SERPINA9: variants seen among roughly 807,000 people sequenced by gnomAD.
SERPINA9 encodes the protein serpin A9.
In SERPINA9, 32 loss-of-function variants were observed where a neutral mutation model predicts 24.5. That is an observed-to-expected ratio of 1.30 (90% CI 0.98 to 1.75). The LOEUF (loss-of-function observed/expected upper bound fraction) is 1.75. SERPINA9 is among the 40% of genes most tolerant of loss of function. SERPINA9 has a pLI of 0.00. For synonymous variants in SERPINA9, 233 were observed against 197.7 expected, an observed-to-expected ratio of 1.18 and a Z score of -1.50; for missense variants, 594 against 497.1, an observed-to-expected ratio of 1.19 and a Z score of -1.85.
chr14:94,469,886 G>C, intron 1 of SERPINA9, 29 bp from the exon 2 acceptor site: 2 of 1,487,252 alleles, frequency 1.3e-6, no homozygotes, highest in Non-Finnish European at 1.8e-6. Context: ...CCATTGAGGG[G>C]GTAAACTGAG....
chr14:94,475,874 T>G (rs2139831209), intron 1 of SERPINA9: 1 of 518,964 alleles, frequency 1.9e-6, no homozygotes. Flanking sequence ...CTCCTCCCCT[T>G]GTGGCCCAAA....
At chr14:94,474,944 T>G (rs746140645) in intron 1 of SERPINA9, among the ~76,000 whole-genome samples, 4 of 151,864 alleles carry the variant, frequency 2.6e-5, no homozygotes, top group Non-Finnish European at 4.4e-5. Context: ...TCAGAAAAAA[T>G]GCTCAAGCCC....
chr14:94,475,672 T>A (rs1899580891), intron 1 of SERPINA9, among the ~76,000 whole-genome samples: 1 of 152,200 alleles, frequency 6.6e-6, no homozygotes, highest in Non-Finnish European at 1.5e-5. Context: ...AGAAAGTATC[T>A]CTTCTCTCCA....
rs1334733009 is a variant in SERPINA9, at chr14:94,463,034, G to T, written c.*59C>A. On this transcript the variant is annotated 3_prime_UTR_variant, in exon 5 of 5. Coordinates refer to ENST00000674397, the MANE Select transcript of SERPINA9 (RefSeq NM_175739.4). ...GCACCCTCAGAACAGAAAGAGGGAT[G>T]TGGTTTGTTATTTCTTGTGCATTAG... 7.2e-7 allele frequency: 1 copy of T among 1,396,062 alleles called. No individual in the cohort carries two copies. Among genetic ancestry groups the T allele is most frequent in the East Asian group, 2.3e-5 (1 of 43,884 alleles). 86.5% of individuals were successfully genotyped at this position (1,396,062 alleles called of 1,614,324 possible). A position where few individuals can be genotyped will look rare whatever the true frequency, so the allele number is the denominator to read the frequency against.
chr14:94,464,621 T>C lies in SERPINA9; in HGVS notation c.1050+86A>G. ...TGACTTCACCTTTCAGGCCTCTGTT[T>C]CCTTATCAACGAAATAAGAGCATGT... On this transcript the variant is annotated intron_variant, in intron 4 of 4. Transcript: ENST00000674397. The C allele has an allele frequency of 3.3e-6, 4 of 1,212,076 alleles. No homozygotes were observed. In the South Asian group the frequency reaches 4.4e-5, roughly 13 times the overall value. 75.1% of individuals were successfully genotyped at this position (1,212,076 alleles called of 1,614,324 possible).
rs78309339 is a variant in SERPINA9, at chr14:94,469,247, C to T, written c.594G>A (p.Thr198=). The change falls in exon 2 of 5, where the codon ACG becomes ACA. Residue 198 remains threonine (T), a synonymous_variant. Coordinates refer to ENST00000674397, the MANE Select transcript of SERPINA9 (RefSeq NM_175739.4). ...VDIIQGLDLL[T]AMVLVNHIFF... is the part of the protein sequence containing the mutation. ...AAATGTGGTTCACCAGAACCATGGCCGTCAGAAGGTCAAGGCCTTGGATTA... is the reference window on the plus strand; with the variant it reads ...AAATGTGGTTCACCAGAACCATGGCTGTCAGAAGGTCAAGGCCTTGGATTA... 1.3e-3 allele frequency: 2,051 copies of T among 1,613,912 alleles called. 23 individuals carry two copies. The African/African-American group carries it at 0.023, about 18-fold the overall frequency.
chr14:94,469,502 G>T lies in SERPINA9; in HGVS notation c.339C>A (p.Gly113=). 1 of 1,614,174 alleles carries T rather than the reference G, an allele frequency of 6.2e-7. No homozygotes were observed. Among genetic ancestry groups the T allele is most frequent in the Non-Finnish European group, 8.5e-7 (1 of 1,180,012 alleles). ...THTPESAIHQ[G]FQHLVHSLTV... is the part of the protein sequence containing the mutation. ...TCAGTGAGTGAACCAGGTGCTGGAA[G>T]CCCTGGTGGATGGCAGACTCTGGTG... The change falls in exon 2 of 5, where the codon GGC becomes GGA. Residue 113 remains glycine (G), a synonymous_variant. Transcript: ENST00000674397.
chr14:94,472,646 G>T (rs1033925006), intron 1 of SERPINA9, among the ~76,000 whole-genome samples: 3 of 152,188 alleles, frequency 2.0e-5, no homozygotes, highest in Non-Finnish European at 4.4e-5. Context: ...TTCTTAAGGA[G>T]CCCACTGGGA....
At position 94,476,132 on chromosome 14, in the gene SERPINA9, C is replaced by T; in HGVS notation, c.-18+4G>A. The T allele has an allele frequency of 1.2e-6, 2 of 1,614,158 alleles. No homozygotes were observed. Among genetic ancestry groups the T allele is most frequent in the East Asian group, 2.2e-5 (1 of 44,870 alleles). On this transcript the variant is annotated splice_donor_region_variant and intron_variant, in intron 1 of 4. Transcript: ENST00000674397. ...CGATCTCTCTGCACCTCCTCCTTACCCACCTTTGCAGGTTCCTCTTCTCCT... is the reference window on the plus strand; with the variant it reads ...CGATCTCTCTGCACCTCCTCCTTACTCACCTTTGCAGGTTCCTCTTCTCCT...
chr14:94,464,744 G>A lies in SERPINA9; in HGVS notation c.1013C>T (p.Ser338Phe). ...QNVFDKNADF[S>F]GIAKRDSLQV... The stretch of plus-strand genomic sequence containing the variant: ...CAGGGAGTCTCTCTTTGCAATTCCA[G>A]AAAAATCAGCATTTTTGTCAAAGAC... The change falls in exon 4 of 5, where the codon TCT becomes TTT. Residue 338 changes from serine to phenylalanine, a missense_variant. Coordinates refer to ENST00000674397, the MANE Select transcript of SERPINA9 (RefSeq NM_175739.4). 6.2e-7 allele frequency: 1 copy of A among 1,613,832 alleles called. No individual in the cohort carries two copies. The highest frequency in any genetic ancestry group is 8.5e-7 in the Non-Finnish European group (1 of 1,179,740).
At chr14:94,463,797 T>A (rs1192270093) in intron 4 of SERPINA9, among the ~76,000 whole-genome samples, 3 of 152,176 alleles carry the variant, frequency 2.0e-5, no homozygotes, top group African/African-American at 7.2e-5. Flanking sequence ...GTTCCTGGAT[T>A]TCTAAGCTTC....
chr14:94,473,546 A>G (rs1000584659), intron 1 of SERPINA9, among the ~76,000 whole-genome samples: 47 of 150,894 alleles, frequency 3.1e-4, no homozygotes, highest in African/African-American at 1.1e-3. Context: ...AAAAAGCAAC[A>G]ACAACAAAAA....
intron 1 of SERPINA9, among the ~76,000 whole-genome samples, chr14:94,473,366 A>G (rs1206855952): frequency 1.3e-5 from 2 of 152,084 alleles, no homozygotes; most frequent in Non-Finnish European, 2.9e-5. Context: ...TAAAAATGCA[A>G]AAGTTAGCCA....
chr14:94,475,411 C>T (rs1899549134), intron 1 of SERPINA9, among the ~76,000 whole-genome samples: 1 of 142,308 alleles, frequency 7.0e-6, no homozygotes, highest in South Asian at 2.3e-4. Flanking sequence ...TGCATGTGTG[C>T]CTACATGTGC....
chr14:94,467,304 T>A lies in SERPINA9; in HGVS notation c.707A>T (p.His236Leu). 2 of 1,614,106 alleles carry A rather than the reference T, an allele frequency of 1.2e-6. No homozygotes were observed. The highest frequency in any genetic ancestry group is 1.7e-6 in the Non-Finnish European group (2 of 1,179,958). ...CTCTTTCTGGTGCATCATGGGGACA[T>A]GCACAGTGACCTGCTCGCCCACCAG... Reference protein sequence around the residue: ...PFLVGEQVTVHVPMMHQKEQF... With the variant: ...PFLVGEQVTVLVPMMHQKEQF... The change falls in exon 3 of 5, where the codon CAT becomes CTT. Residue 236 changes from histidine to leucine, a missense_variant. Coordinates refer to ENST00000674397, the MANE Select transcript of SERPINA9 (RefSeq NM_175739.4).
intron 1 of SERPINA9, among the ~76,000 whole-genome samples, chr14:94,475,711 G>A (rs1899587347): frequency 2.0e-5 from 3 of 152,072 alleles, no homozygotes; most frequent in Admixed American, 6.6e-5. Context: ...TCTCTTTTCT[G>A]CACTTAAACA....
At position 94,469,846 on chromosome 14, in the gene SERPINA9, A is replaced by T. The variant is rs1899225431; in HGVS notation, c.-6T>A. ...CCATAAAGGTAAGATGCCATTTTGG[A>T]ACAAAATATGTCTGCAAGAGAAGTA... On this transcript the variant is annotated 5_prime_UTR_variant, in exon 2 of 5. Coordinates refer to ENST00000674397, the MANE Select transcript of SERPINA9 (RefSeq NM_175739.4). 2.0e-6 allele frequency: 3 copies of T among 1,509,316 alleles called. No individual in the cohort carries two copies. The highest frequency in any genetic ancestry group is 1.4e-5 in the African/African-American group (1 of 71,534). 93.5% of individuals were successfully genotyped at this position (1,509,316 alleles called of 1,614,324 possible).
intron 1 of SERPINA9, 150 bp downstream of exon 1, chr14:94,475,986 T>A: frequency 8.6e-7 from 1 of 1,161,828 alleles, no homozygotes; most frequent in Non-Finnish European, 1.2e-6. Flanking sequence ...GTGACCCAGA[T>A]GCTACTAAAA....
chr14:94,464,925 A>G, intron 3 of SERPINA9, 71 bp from the exon 4 acceptor site: 2 of 1,319,276 alleles, frequency 1.5e-6, no homozygotes, highest in Non-Finnish European at 1.0e-6. Flanking sequence ...CCTAGATGCC[A>G]TTTTGGGAGA....
Sources: gnomAD v4.1 joint callset for allele counts (sites outside exome capture counted in the v4.1 genomes callset) on GRCh38, gnomAD v4.1.1 for gene constraint, MANE v1.5 for transcripts, NCBI Gene and HGNC (gene_info 2026-07-23, HGNC 2026-07-21) for gene names.